POLE: variants seen among roughly 807,000 people sequenced by gnomAD.
The protein encoded by POLE is DNA polymerase epsilon catalytic subunit A.
In POLE, 188 loss-of-function variants were observed where a neutral mutation model predicts 279.2. That is an observed-to-expected ratio of 0.67 (90% CI 0.60 to 0.76). POLE has a LOEUF of 0.76. Among genes scored for constraint, POLE ranks in the 30% least tolerant of loss-of-function variants. The probability of loss-of-function intolerance (pLI) is 0.00; values close to 1 mark genes in which losing one functional copy is unlikely to be tolerated. For synonymous variants in POLE, 1,214 were observed against 1,172.5 expected (o/e 1.04, Z -0.72); for missense variants, 2,703 against 3,016.7 (o/e 0.90, Z 2.44).
At chr12:132,680,498 G>A (rs1453354270) in intron 3 of POLE, 109 bp downstream of exon 3, 8 of 855,222 alleles carry the variant, frequency 9.4e-6, no homozygotes, top group Non-Finnish European at 1.6e-5. Context: ...AGTTCTGCTG[G>A]GCTATGGGCT....
chr12:132,638,331 A>G, intron 40 of POLE, 192 bp from the exon 41 acceptor site: 2 of 411,338 alleles, frequency 4.9e-6, no homozygotes, highest in Non-Finnish European at 8.4e-6. Flanking sequence ...CAAAGGCAAA[A>G]GATAACCAAA....
At chr12:132,625,320 G>A (rs1458460441) in intron 47 of POLE, 1 of 725,446 alleles carries the variant, frequency 1.4e-6, no homozygotes, top group African/African-American at 1.7e-5. Context: ...CCCAGCCTCT[G>A]CTCAGATGCC....
intron 15 of POLE, 48 bp from the exon 16 acceptor site, chr12:132,672,370 C>T (rs747368711): frequency 6.8e-7 from 1 of 1,460,382 alleles, no homozygotes; most frequent in East Asian, 2.3e-5. Flanking sequence ...CACACCCACA[C>T]TAGCCTGCCT....
At position 132,675,520 on chromosome 12, in the gene POLE, G is replaced by A. The variant is rs369572563; in HGVS notation, c.1107-3C>T. On this transcript the variant is annotated splice_region_variant and splice_polypyrimidine_tract_variant and intron_variant, in intron 11 of 48. Coordinates refer to ENST00000320574, the MANE Select transcript of POLE (RefSeq NM_006231.4). This position sits in a 1 kb window ranked among gnomAD's most constrained non-coding sequence, Gnocchi z 4.3. ...CTGCCCGGGCCTCCACAAATGGCCT[G>A]GGTTGGAAAGAGGACAGACAAGCAA... 22 of 1,613,860 alleles carry A rather than the reference G, an allele frequency of 1.4e-5. No homozygotes were observed. The highest frequency in any genetic ancestry group is 1.9e-5 in the Non-Finnish European group (22 of 1,180,002).
chr12:132,663,945 A>G, intron 23 of POLE, 59 bp downstream of exon 23: 2 of 1,582,014 alleles, frequency 1.3e-6, no homozygotes, highest in Non-Finnish European at 1.7e-6. Context: ...AGAGCCAGTG[A>G]CATCAGGGCA....
In POLE at chr12:132,681,343, CT is replaced by C. The variant is rs71453158; in HGVS notation, c.63-65del. 114,023 of 1,522,088 alleles carry C rather than the reference CT, an allele frequency of 0.075. 4,724 individuals carry two copies. The highest frequency in any genetic ancestry group is 0.084 in the Non-Finnish European group (93,759 of 1,118,714). 94.3% of individuals were successfully genotyped at this position (1,522,088 alleles called of 1,614,324 possible). ...GCCACCTGCTGCTGCTTCTTTTTTT[CT>C]TTTTTTTCTTTTTTTTTGAGACGGA... On this transcript the variant is annotated intron_variant, in intron 1 of 48. Coordinates refer to ENST00000320574, the MANE Select transcript of POLE (RefSeq NM_006231.4).
chr12:132,651,958 AGCT>A (rs1372440679), intron 29 of POLE, among the ~76,000 whole-genome samples: 1 of 152,260 alleles, frequency 6.6e-6, no homozygotes, highest in Non-Finnish European at 1.5e-5. Flanking sequence ...AGCAATAGAT[AGCT>A]AACACGTTTA....
rs375741031 is a variant in POLE at position 132,624,922 on chromosome 12, G to A, written c.6730C>T (p.Leu2244Phe). ...VYCSCAGDFALTIHTQVFMEQ... is the reference protein window; with the variant it reads ...VYCSCAGDFAFTIHTQVFMEQ... Reference sequence around the variant, plus strand: ...GAGCCCACCTGGGTGTGGATGGTGAGGGCGAAGTCTCCCGCGCAGCTGCAG... The same window carrying A: ...GAGCCCACCTGGGTGTGGATGGTGAAGGCGAAGTCTCCCGCGCAGCTGCAG... Residue 2244 changes from leucine to phenylalanine, a missense_variant, in exon 48 of 49, where the codon CTC becomes TTC. Leu to Phe is a conservative substitution (Grantham distance 22, BLOSUM62 0). Transcript: ENST00000320574. The A allele has an allele frequency of 1.2e-4, 192 of 1,613,890 alleles. No individual in the cohort carries two copies. The highest frequency in any genetic ancestry group is 1.5e-4 in the Non-Finnish European group (180 of 1,179,900).
Position 132,643,905 on chromosome 12 carries a change from G to T in POLE, c.4222C>A (p.Gln1408Lys). ...GCGTTGATCTCGTTGATGTGTTCCTGGTACATGTCCTCTGGCACTGAATAC... is the reference window on the plus strand; with the variant it reads ...GCGTTGATCTCGTTGATGTGTTCCTTGTACATGTCCTCTGGCACTGAATAC... ...YEYSVPEDMY[Q>K]EHINEINAEL... is the part of the protein sequence containing the mutation. Residue 1408 changes from glutamine (Q) to lysine (K), a missense_variant, in exon 33 of 49, where the codon CAG (glutamine) becomes AAG (lysine). Gln to Lys is a moderately conservative substitution (Grantham distance 53, BLOSUM62 1). Transcript: ENST00000320574. 6.2e-7 allele frequency: 1 copy of T among 1,614,042 alleles called. No individual in the cohort carries two copies. Among genetic ancestry groups the T allele is most frequent in the Non-Finnish European group, 8.5e-7 (1 of 1,179,954 alleles).
At chr12:132,645,858 T>C (rs2042272877) in intron 32 of POLE, among the ~76,000 whole-genome samples, 2 of 152,194 alleles carry the variant, frequency 1.3e-5, no homozygotes, top group Admixed American at 6.5e-5. Context: ...AAATATGAAC[T>C]GGAACAATTA....
chr12:132,668,919 GC>G lies in POLE; in HGVS notation c.1814del (p.Ser605ThrfsTer6), dbSNP rs780636276. ...GAACGTCCTTCAGGGAGGCAAGCTTGCTCTTAATCTCATCACACACCTGCAG... is the reference window on the plus strand; with the variant it reads ...GAACGTCCTTCAGGGAGGCAAGCTTGTCTTAATCTCATCACACACCTGCAG... ...NFEEVCDEIK[S>X]KLASLKDVPS... On this transcript the variant is annotated frameshift_variant, in exon 17 of 49. Coordinates refer to ENST00000320574, the MANE Select transcript of POLE (RefSeq NM_006231.4). LOFTEE classifies it high-confidence loss of function. The surrounding 1 kb of genome is among the most constrained non-coding windows in gnomAD (Gnocchi z 4.0). 1 of 1,614,140 alleles carries G rather than the reference GC, an allele frequency of 6.2e-7. No homozygotes were observed. The highest frequency in any genetic ancestry group is 8.5e-7 in the Non-Finnish European group (1 of 1,180,018).
chr12:132,673,027 G>T, intron 14 of POLE, 137 bp downstream of exon 14: 1 of 761,196 alleles, frequency 1.3e-6, no homozygotes, highest in Admixed American at 2.2e-5. Flanking sequence ...GGACATCCCT[G>T]ACGTCACACA....
intron 29 of POLE, among the ~76,000 whole-genome samples, chr12:132,653,405 TA>T (rs1306955923): frequency 1.3e-5 from 2 of 152,240 alleles, no homozygotes; most frequent in African/African-American, 4.8e-5. Context: ...ATTTTTTCTG[TA>T]AAAGTCTTAC....
intron 25 of POLE, 112 bp from the exon 26 acceptor site, chr12:132,659,621 C>A: frequency 2.5e-6 from 2 of 816,148 alleles, no homozygotes; most frequent in Non-Finnish European, 3.9e-6. Flanking sequence ...ACGCAGAAGG[C>A]TGCAATTTCA....
chr12:132,663,045 G>A lies in POLE; in HGVS notation c.2706+959C>T, dbSNP rs141582960. 1.6e-4 allele frequency among the ~76,000 whole-genome samples: 24 copies of A among 152,288 alleles called. 1 individual carries two copies. In the East Asian group the frequency reaches 3.9e-3, roughly 24 times the overall value. On this transcript the variant is annotated intron_variant, in intron 23 of 48. Coordinates refer to ENST00000320574, the MANE Select transcript of POLE (RefSeq NM_006231.4). ...CCTCAGGCGTAACTGCTGCAGGTGC[G>A]GCCCACCAGCAAACACAGCCCATCA...
At chr12:132,649,127 C>A (rs5744903) in intron 31 of POLE, 55 bp from the exon 32 acceptor site, 9 of 1,578,622 alleles carry the variant, frequency 5.7e-6, no homozygotes, top group Non-Finnish European at 7.8e-6. Flanking sequence ...AACCCACAGA[C>A]GGGGCCACCT....
intron 23 of POLE, among the ~76,000 whole-genome samples, chr12:132,662,608 A>G (rs2042703798): frequency 6.6e-6 from 1 of 152,232 alleles, no homozygotes; most frequent in South Asian, 2.1e-4. Context: ...CAGTGAGCAC[A>G]GCAAGCACCC....
At chr12:132,682,932 G>A (rs571641945) in intron 1 of POLE, among the ~76,000 whole-genome samples, 4 of 151,854 alleles carry the variant, frequency 2.6e-5, no homozygotes, top group South Asian at 4.2e-4. Context: ...CAGCCTGGGC[G>A]ACAGAGCGAG....
At chr12:132,643,720 T>C in intron 33 of POLE, 117 bp downstream of exon 33, 1 of 1,456,150 alleles carries the variant, frequency 6.9e-7, no homozygotes, top group Non-Finnish European at 9.4e-7. Flanking sequence ...ACCTCACCTG[T>C]GGGAACGAGT....
Sources: gnomAD v4.1 joint callset for allele counts (sites outside exome capture counted in the v4.1 genomes callset) on GRCh38, gnomAD v4.1.1 for gene constraint, Gnocchi (gnomAD v3.1) non-coding constraint, MANE v1.5 for transcripts, NCBI Gene and HGNC (gene_info 2026-07-23, HGNC 2026-07-21) for gene names.